DLG2: variants seen among roughly 807,000 people sequenced by gnomAD.
DLG2 encodes discs large MAGUK scaffold protein 2, also known as disks large homolog 2.
Under a neutral mutation model 132.5 loss-of-function variants are expected in DLG2, and 45 were observed. The ratio of observed to expected loss-of-function variants is 0.34; its 90% CI spans 0.27 to 0.44. The LOEUF is 0.44. DLG2 is among the 20% of genes least tolerant of loss of function. DLG2 has a pLI of 1.00. For synonymous variants in DLG2, 424 were observed against 419.6 expected (o/e 1.01, Z -0.13); for missense variants, 1,045 against 1,196.9 (o/e 0.87, Z 1.87).
intron 18 of DLG2, among the ~76,000 whole-genome samples, chr11:83,715,973 C>T (rs1269852756): frequency 6.6e-6 from 1 of 152,204 alleles, no homozygotes; most frequent in South Asian, 2.1e-4. Flanking sequence ...ATAAGACTCC[C>T]ATAGTATTGA....
chr11:85,033,344 C>G lies in DLG2; in HGVS notation c.357+78317G>C, dbSNP rs543349358. ...GGGACTTGTGCCCCAGAAATAAAGG[C>G]TAGCATGTGCTCCTTACTGCATTTC... On this transcript the variant is annotated intron_variant, in intron 6 of 27. Coordinates refer to ENST00000376104, the MANE Select transcript of DLG2 (RefSeq NM_001142699.3). Among the ~76,000 whole-genome samples, 39 of 139,808 alleles carry G rather than the reference C, an allele frequency of 2.8e-4. 1 individual carries two copies. Among genetic ancestry groups the G allele is most frequent in the African/African-American group, 1.0e-3 (37 of 36,738 alleles). The allele number at this position is 139,808 out of a possible 152,430, so 91.7% of individuals were successfully genotyped here.
intron 4 of DLG2, among the ~76,000 whole-genome samples, chr11:85,242,262 T>C (rs2075919515): frequency 6.6e-6 from 1 of 151,990 alleles, no homozygotes; most frequent in Non-Finnish European, 1.5e-5. Context: ...TCTGCTATCA[T>C]TTTGGTTTTT....
chr11:85,389,753 G>A (rs1314887110), intron 3 of DLG2, among the ~76,000 whole-genome samples: 1 of 152,120 alleles, frequency 6.6e-6, no homozygotes, highest in East Asian at 1.9e-4. Context: ...TGTATATCCA[G>A]AGAAACTAAG....
chr11:84,790,885 G>A (rs543484686), intron 6 of DLG2, among the ~76,000 whole-genome samples: 69 of 152,288 alleles, frequency 4.5e-4, no homozygotes, highest in Middle Eastern at 6.8e-3. Context: ...TGTTGAAAAT[G>A]ACTTCACTGT....
chr11:83,840,945 T>C (rs910102348), intron 16 of DLG2, among the ~76,000 whole-genome samples: 6 of 152,192 alleles, frequency 3.9e-5, no homozygotes, highest in African/African-American at 7.2e-5. Flanking sequence ...CTGTTTCCCG[T>C]TTGTCTTTTT....
chr11:83,703,958 C>T (rs1435283365), intron 18 of DLG2, among the ~76,000 whole-genome samples: 1 of 151,898 alleles, frequency 6.6e-6, no homozygotes, highest in Non-Finnish European at 1.5e-5. Flanking sequence ...GAAGTGCCCA[C>T]AAAACATTGT....
intron 6 of DLG2, among the ~76,000 whole-genome samples, chr11:84,683,667 G>C (rs1190636156): frequency 2.0e-5 from 3 of 152,144 alleles, no homozygotes; most frequent in African/African-American, 7.2e-5. Flanking sequence ...GTAGGAAATG[G>C]GCTGAAGTCG....
Position 83,908,408 on chromosome 11 carries a change from C to A in DLG2, c.1496+21920G>T, listed in dbSNP as rs1338969525. Among the ~76,000 whole-genome samples, 5 of 151,876 alleles carry A rather than the reference C, an allele frequency of 3.3e-5. No individual in the cohort carries two copies. In the East Asian group the frequency reaches 9.7e-4, roughly 29 times the overall value. ...CTCTTCTCAGCACCTCCTGAAGCACCCTGTATTGATTATGACTGTCTTTTT... is the reference window on the plus strand; with the variant it reads ...CTCTTCTCAGCACCTCCTGAAGCACACTGTATTGATTATGACTGTCTTTTT... On this transcript the variant is annotated intron_variant, in intron 15 of 27. Coordinates refer to ENST00000376104, the MANE Select transcript of DLG2 (RefSeq NM_001142699.3).
At chr11:85,162,785 G>T (rs1019860586) in intron 4 of DLG2, among the ~76,000 whole-genome samples, 1 of 152,154 alleles carries the variant, frequency 6.6e-6, no homozygotes, top group African/African-American at 2.4e-5. Context: ...GATCTCAGGA[G>T]ATGTACGTGG....
At chr11:83,635,668 CCT>C (rs983574770) in intron 18 of DLG2, among the ~76,000 whole-genome samples, 4 of 152,114 alleles carry the variant, frequency 2.6e-5, no homozygotes, top group African/African-American at 7.2e-5. Context: ...ACTTTTCCCC[CCT>C]TTTTAATAGT....
intron 6 of DLG2, among the ~76,000 whole-genome samples, chr11:85,040,635 C>T (rs2061782814): frequency 6.6e-6 from 1 of 151,964 alleles, no homozygotes; most frequent in Non-Finnish European, 1.5e-5. Flanking sequence ...CACTCTGTTA[C>T]AGACACCATC....
chr11:84,447,038 G>A (rs1431947837), intron 7 of DLG2, among the ~76,000 whole-genome samples: 2 of 152,166 alleles, frequency 1.3e-5, no homozygotes, highest in Non-Finnish European at 2.9e-5. Context: ...GTAACAACAT[G>A]TATAAGATTT....
At chr11:85,235,547 T>C (rs1443829170) in intron 4 of DLG2, among the ~76,000 whole-genome samples, 2 of 151,928 alleles carry the variant, frequency 1.3e-5, no homozygotes, top group Non-Finnish European at 2.9e-5. Flanking sequence ...ACCTAATGAA[T>C]GAGTAGAATT....
chr11:84,701,841 G>C (rs2059258684), intron 6 of DLG2, among the ~76,000 whole-genome samples: 1 of 151,652 alleles, frequency 6.6e-6, no homozygotes, highest in African/African-American at 2.4e-5. Flanking sequence ...GATGTATCCA[G>C]ATCACACCTT....
chr11:85,359,387 A>T (rs534005066), intron 3 of DLG2, among the ~76,000 whole-genome samples: 1 of 152,332 alleles, frequency 6.6e-6, no homozygotes, highest in African/African-American at 2.4e-5. Flanking sequence ...TAAAGGGAAA[A>T]ATAATTGTAT....
intron 7 of DLG2, among the ~76,000 whole-genome samples, chr11:84,420,264 C>T (rs1481592210): frequency 6.6e-6 from 1 of 152,228 alleles, no homozygotes; most frequent in Non-Finnish European, 1.5e-5. Context: ...ATATGCAAGA[C>T]TGCAAGAGCC....
At chr11:85,169,472 T>TGA (rs2078692135) in intron 4 of DLG2, among the ~76,000 whole-genome samples, 1 of 152,020 alleles carries the variant, frequency 6.6e-6, no homozygotes, top group South Asian at 2.1e-4. Flanking sequence ...CAAAAAAGGA[T>TGA]GAGATGGCTA....
intron 6 of DLG2, among the ~76,000 whole-genome samples, chr11:84,954,290 A>G (rs140379537): frequency 2.0e-5 from 3 of 152,032 alleles, no homozygotes; most frequent in East Asian, 3.9e-4. Context: ...TAAAATAGCA[A>G]TATGAGTTTC....
chr11:85,150,745 TG>T (rs2077196208), intron 5 of DLG2, among the ~76,000 whole-genome samples: 1 of 136,450 alleles, frequency 7.3e-6, no homozygotes, highest in Admixed American at 7.4e-5. Flanking sequence ...TGTGTGTGTG[TG>T]TGTGTAACAT....
Sources: allele counts gnomAD v4.1 joint callset (sites outside exome capture counted in the v4.1 genomes callset), GRCh38; gene constraint gnomAD v4.1.1; transcripts MANE v1.5; gene names NCBI Gene and HGNC (gene_info 2026-07-23, HGNC 2026-07-21).